MSH3: variants seen among roughly 807,000 people sequenced by gnomAD.
MSH3 encodes the protein DNA mismatch repair protein Msh3.
A neutral mutation model predicts 123.3 loss-of-function variants in MSH3; 106 were observed. The observed-to-expected ratio is 0.86, with a 90% confidence interval of 0.73 to 1.01. MSH3 has a LOEUF of 1.01. Among genes scored for constraint, MSH3 ranks in the 50% least tolerant of loss-of-function variants. The probability of loss-of-function intolerance (pLI) is 0.00; values close to 1 mark genes in which losing one functional copy is unlikely to be tolerated. For synonymous variants in MSH3, 515 were observed against 481.4 expected (o/e 1.07, Z -0.91); for missense variants, 1,459 against 1,347.6 (o/e 1.08, Z -1.29).
chr5:80,850,402 C>G (rs1442650066), intron 20 of MSH3, among the ~76,000 whole-genome samples: 2 of 152,172 alleles, frequency 1.3e-5, no homozygotes, highest in South Asian at 2.1e-4. Flanking sequence ...AGTCCATTTT[C>G]ACACTGCTGA....
chr5:80,819,055 C>T (rs1174132221), intron 20 of MSH3, among the ~76,000 whole-genome samples: 1 of 151,496 alleles, frequency 6.6e-6, no homozygotes, highest in Non-Finnish European at 1.5e-5. Flanking sequence ...CATGGCATAT[C>T]AGGGTGCAAC....
At chr5:80,730,890 A>AT (rs1409641989) in intron 10 of MSH3, among the ~76,000 whole-genome samples, 9 of 106,558 alleles carry the variant, frequency 8.4e-5, no homozygotes, top group African/African-American at 2.9e-4. Flanking sequence ...ATATATATAT[A>AT]TATATTTTTT....
chr5:80,846,516 G>A (rs1372086777), intron 20 of MSH3, among the ~76,000 whole-genome samples: 1 of 152,132 alleles, frequency 6.6e-6, no homozygotes, highest in East Asian at 1.9e-4. Context: ...CCCAGAGGTG[G>A]AATCTAGAGA....
At chr5:80,707,791 C>T (rs1750756989) in intron 8 of MSH3, among the ~76,000 whole-genome samples, 1 of 152,086 alleles carries the variant, frequency 6.6e-6, no homozygotes. Context: ...GTTAATTTAC[C>T]CTCCTCTCAG....
intron 4 of MSH3, among the ~76,000 whole-genome samples, chr5:80,670,793 C>A (rs1749707972): frequency 6.6e-6 from 1 of 152,118 alleles, no homozygotes; most frequent in Non-Finnish European, 1.5e-5. Context: ...TTACAGATCT[C>A]TTTGGGTGTC....
intron 17 of MSH3, among the ~76,000 whole-genome samples, chr5:80,786,708 C>T (rs889201240): frequency 2.0e-5 from 3 of 152,176 alleles, no homozygotes; most frequent in African/African-American, 4.8e-5. Flanking sequence ...CACACATCCA[C>T]AATTGATCAC....
chr5:80,690,119 A>C (rs966678573), intron 8 of MSH3, among the ~76,000 whole-genome samples: 1 of 151,918 alleles, frequency 6.6e-6, no homozygotes, highest in African/African-American at 2.4e-5. Flanking sequence ...GGTTCTGGCT[A>C]TTTTGCCCAG....
intron 8 of MSH3, among the ~76,000 whole-genome samples, chr5:80,681,396 A>G (rs1749964750): frequency 6.6e-6 from 1 of 152,054 alleles, no homozygotes; most frequent in Non-Finnish European, 1.5e-5. Context: ...CAAGAGCTTT[A>G]TAAACATTCA....
chr5:80,814,565 C>A (rs6151880), intron 20 of MSH3, among the ~76,000 whole-genome samples: 3 of 152,222 alleles, frequency 2.0e-5, no homozygotes, highest in East Asian at 3.8e-4. Flanking sequence ...GCCACCACAC[C>A]CAGCTGAGTT....
intron 21 of MSH3, among the ~76,000 whole-genome samples, chr5:80,863,978 G>A (rs1746056281): frequency 6.6e-6 from 1 of 152,176 alleles, no homozygotes; most frequent in Non-Finnish European, 1.5e-5. Context: ...GGAAAACAAA[G>A]GGTGAAGGGG....
chr5:80,752,663 G>T (rs1453353225), intron 12 of MSH3, among the ~76,000 whole-genome samples: 2 of 152,138 alleles, frequency 1.3e-5, no homozygotes, highest in African/African-American at 2.4e-5. Flanking sequence ...GACAGTATAT[G>T]TAAAAGGATT....
intron 8 of MSH3, among the ~76,000 whole-genome samples, chr5:80,719,279 C>G (rs1156246053): frequency 6.6e-6 from 1 of 152,080 alleles, no homozygotes; most frequent in Non-Finnish European, 1.5e-5. Context: ...ATCTCTTGAC[C>G]TCGTGATCCA....
At chr5:80,689,918 G>A (rs1345831619) in intron 8 of MSH3, among the ~76,000 whole-genome samples, 2 of 151,780 alleles carry the variant, frequency 1.3e-5, no homozygotes, top group Admixed American at 6.6e-5. Context: ...TAGGGGTCTC[G>A]CTCTGCTGTC....
At position 80,654,689 on chromosome 5, in the gene MSH3, C is replaced by A; in HGVS notation, c.-39C>A. 6.4e-7 allele frequency: 1 copy of A among 1,561,856 alleles called. No individual in the cohort carries two copies. Among genetic ancestry groups the A allele is most frequent in the Non-Finnish European group, 8.7e-7 (1 of 1,154,168 alleles). ...ACTGCGGCCGCGGGCTCGCGCTCCT[C>A]GCCAGGCCCTGCCGCCGGGCTGCCA... On this transcript the variant is annotated 5_prime_UTR_variant, in exon 1 of 24. Coordinates refer to ENST00000265081, the MANE Select transcript of MSH3 (RefSeq NM_002439.5).
chr5:80,869,451 CT>C (rs1189326574), intron 22 of MSH3, among the ~76,000 whole-genome samples: 1 of 152,042 alleles, frequency 6.6e-6, no homozygotes, highest in Admixed American at 6.6e-5. Flanking sequence ...TCCCATGTGG[CT>C]TTTTCTGACT....
intron 2 of MSH3, among the ~76,000 whole-genome samples, chr5:80,662,533 C>T (rs573633779): frequency 6.6e-6 from 1 of 152,108 alleles, no homozygotes; most frequent in Non-Finnish European, 1.5e-5. Context: ...ATCTCTAAAA[C>T]ATTTTATTTG....
intron 16 of MSH3, 101 bp from the exon 17 acceptor site, chr5:80,778,619 G>A: frequency 1.3e-6 from 1 of 768,778 alleles, no homozygotes; most frequent in East Asian, 2.5e-5. Flanking sequence ...TTACTTTCAA[G>A]GTTCATCAGA....
At position 80,672,275 on chromosome 5, in the gene MSH3, A is replaced by G. The variant is rs1228477054; in HGVS notation, c.824A>G (p.His275Arg). The G allele has an allele frequency of 1.9e-5, 30 of 1,613,562 alleles. No individual in the cohort carries two copies. Among genetic ancestry groups the G allele is most frequent in the African/African-American group, 2.7e-5 (2 of 74,824 alleles). Reference protein sequence around the residue: ...IAARELNIYCHLDHNFMTASI... With the variant: ...IAARELNIYCRLDHNFMTASI... ...GCCCGAGAGCTCAATATTTATTGCC[A>G]TTTAGATCACAACTTTATGACAGCA... is the stretch of plus-strand genomic sequence containing the variant. The change falls in exon 5 of 24, where the codon CAT (histidine) becomes CGT (arginine). Residue 275 changes from histidine to arginine, a missense_variant. Physicochemically the swap from His to Arg is conservative, Grantham distance 29. Coordinates refer to ENST00000265081, the MANE Select transcript of MSH3 (RefSeq NM_002439.5).
At position 80,813,692 on chromosome 5, in the gene MSH3, G is replaced by A; in HGVS notation, c.2764G>A (p.Val922Ile). The A allele has an allele frequency of 1.2e-6, 2 of 1,614,186 alleles. No homozygotes were observed. Among genetic ancestry groups the A allele is most frequent in the Non-Finnish European group, 1.7e-6 (2 of 1,180,020 alleles). The change falls in exon 20 of 24, where the codon GTT becomes ATT. Residue 922 changes from valine to isoleucine, a missense_variant. Val to Ile is a conservative substitution (Grantham distance 29). Coordinates refer to ENST00000265081, the MANE Select transcript of MSH3 (RefSeq NM_002439.5). ...CATCATGGCTCAGATTGGCTCCTAT[G>A]TTCCTGCAGAAGAAGCGACAATTGG... ...ITIMAQIGSY[V>I]PAEEATIGIV...
Sources: allele counts gnomAD v4.1 joint callset (sites outside exome capture counted in the v4.1 genomes callset), GRCh38; gene constraint gnomAD v4.1.1; transcripts MANE v1.5; gene names NCBI Gene and HGNC (gene_info 2026-07-23, HGNC 2026-07-21).